KMT2E: variants seen among roughly 807,000 people sequenced by gnomAD.
KMT2E encodes the protein histone reader KMT2E.
KMT2E carries 30 observed loss-of-function variants against 184.6 expected under a neutral mutation model. The ratio of observed to expected loss-of-function variants is 0.16; its 90% confidence interval spans 0.12 to 0.22. The LOEUF is 0.22. KMT2E is among the 10% of genes least tolerant of loss of function. The probability of loss-of-function intolerance (pLI) is 1.00; values close to 1 mark genes in which losing one functional copy is unlikely to be tolerated. For synonymous variants in KMT2E, 815 were observed against 776.5 expected, an observed-to-expected ratio of 1.05 and a Z score of -0.82; for missense variants, 2,023 against 2,237.4, an observed-to-expected ratio of 0.90 and a Z score of 1.93.
At position 105,076,995 on chromosome 7, in the gene KMT2E, T is replaced by C. The variant is rs754759465; in HGVS notation, c.801T>C (p.Asp267=). Residue 267 remains aspartate (D), a synonymous_variant, in exon 10 of 27, where the codon GAT becomes GAC. Coordinates refer to ENST00000311117, the MANE Select transcript of KMT2E (RefSeq NM_182931.3). ...GSAPEIDPSS[D]GSNFGWETKI... ...CTCCAGAGATTGATCCTTCATCTGA[T>C]GGTTCAAATTTTGGATGGGAGACAA... The C allele has an allele frequency of 6.2e-7, 1 of 1,613,652 alleles. No individual in the cohort carries two copies. Among genetic ancestry groups the C allele is most frequent in the Non-Finnish European group, 8.5e-7 (1 of 1,179,922 alleles).
chr7:105,049,849 C>T (rs1276232353), intron 3 of KMT2E, among the ~76,000 whole-genome samples: 5 of 152,172 alleles, frequency 3.3e-5, no homozygotes. Context: ...TGAGATCATG[C>T]CACTGCACTC....
intron 1 of KMT2E, among the ~76,000 whole-genome samples, chr7:105,024,051 G>A (rs1795073465): frequency 6.6e-6 from 1 of 152,120 alleles, no homozygotes; most frequent in Non-Finnish European, 1.5e-5. Context: ...TGTATTTTCA[G>A]TTATAGCAAA....
intron 4 of KMT2E, 143 bp from the exon 5 acceptor site, chr7:105,063,208 T>C (rs1796894064): frequency 1.7e-6 from 1 of 591,920 alleles, no homozygotes; most frequent in Non-Finnish European, 2.8e-6. Context: ...CAAGTCATTT[T>C]TTTAATGGTA....
Position 105,074,819 on chromosome 7 carries a change from C to T in KMT2E, c.729+4C>T, listed in dbSNP as rs151308476. ...ACACATTTCAAAATGTAAAAAGGTACGTTTTTGCTTGTTTTTAGGTGAGTG... is the reference window on the plus strand; with the variant it reads ...ACACATTTCAAAATGTAAAAAGGTATGTTTTTGCTTGTTTTTAGGTGAGTG... On this transcript the variant is annotated splice_donor_region_variant and intron_variant, in intron 8 of 26. Transcript: ENST00000311117. 1.4e-4 allele frequency: 216 copies of T among 1,592,656 alleles called. 1 individual carries two copies. In the African/African-American group the frequency reaches 1.7e-3, roughly 13 times the overall value.
In KMT2E at chr7:105,113,062, C is replaced by G; in HGVS notation, c.5306C>G (p.Thr1769Ser). Residue 1769 changes from threonine to serine, a missense_variant, in exon 27 of 27, where the codon ACC becomes AGC. Physicochemically the swap from Thr to Ser is moderately conservative, Grantham distance 58 (BLOSUM62 1). This residue lies in a region of KMT2E where 1,108 missense variants were observed against 1,050.9 expected (regional missense o/e 1.05). Coordinates refer to ENST00000311117, the MANE Select transcript of KMT2E (RefSeq NM_182931.3). ...PPYPSQATHH[T>S]TLGPGPQHQP... ...TATCCCTCACAAGCTACACATCATA[C>G]CACTTTGGGACCGGGACCCCAGCAC... 6.2e-7 allele frequency: 1 copy of G among 1,614,160 alleles called. No individual in the cohort carries two copies. The highest frequency in any genetic ancestry group is 1.3e-5 in the African/African-American group (1 of 75,022).
chr7:105,043,870 C>T (rs372718001), intron 3 of KMT2E, among the ~76,000 whole-genome samples: 11 of 152,138 alleles, frequency 7.2e-5, no homozygotes, highest in African/African-American at 1.9e-4. Flanking sequence ...GCAGGCAGAT[C>T]GCTTGAGCCC....
chr7:105,109,885 C>T (rs1584810473), intron 23 of KMT2E, among the ~76,000 whole-genome samples: 1 of 150,870 alleles, frequency 6.6e-6, no homozygotes, highest in South Asian at 2.1e-4. Context: ...GCTCTGTCGC[C>T]CAGTCTGGAG....
intron 3 of KMT2E, among the ~76,000 whole-genome samples, chr7:105,048,721 G>C (rs982500892): frequency 1.3e-5 from 2 of 152,206 alleles, no homozygotes; most frequent in Non-Finnish European, 2.9e-5. Context: ...GGTTTCTGTT[G>C]TAACTACTCA....
chr7:105,107,139 CAATTCT>C (rs1798936956), intron 20 of KMT2E, 21 bp from the exon 21 acceptor site: 6 of 1,242,352 alleles, frequency 4.8e-6, no homozygotes, highest in Non-Finnish European at 6.8e-6. Context: ...TTTAAATTTT[CAATTCT>C]AATTCTTTCT....
At chr7:105,067,229 G>C (rs1000435823) in intron 6 of KMT2E, among the ~76,000 whole-genome samples, 1 of 151,750 alleles carries the variant, frequency 6.6e-6, no homozygotes, top group African/African-American at 2.4e-5. Flanking sequence ...GTGTGTCATA[G>C]TTTATAGGGT....
intron 3 of KMT2E, among the ~76,000 whole-genome samples, chr7:105,059,978 G>GTTTTTTTTGTTTTTTTTT (rs1796735719): frequency 1.9e-5 from 1 of 51,764 alleles, no homozygotes; most frequent in Admixed American, 3.2e-4. Context: ...TCTTGTTGTT[G>GTTTTTTTTGTTTTTTTTT]TTTTTTTTTT....
chr7:105,107,594 G>C lies in KMT2E; in HGVS notation c.3137G>C (p.Arg1046Thr). The C allele has an allele frequency of 6.2e-7, 1 of 1,614,104 alleles. No homozygotes were observed. Among genetic ancestry groups the C allele is most frequent in the Non-Finnish European group, 8.5e-7 (1 of 1,180,018 alleles). Residue 1046 changes from arginine to threonine, a missense_variant, in exon 22 of 27, where the codon AGG (arginine) becomes ACG (threonine). By Grantham distance (71) the Arg-to-Thr change is moderately conservative. Coordinates refer to ENST00000311117, the MANE Select transcript of KMT2E (RefSeq NM_182931.3). ...HKTLETPAHD[R>T]AEPNSQLDST... ...ACCCTGGAAACGCCTGCACATGACAGGGCTGAGCCCAACAGCCAACTGGAC... is the reference window on the plus strand; with the variant it reads ...ACCCTGGAAACGCCTGCACATGACACGGCTGAGCCCAACAGCCAACTGGAC...
Position 105,110,769 on chromosome 7 carries a change from A to G in KMT2E, c.3971-2A>G, listed in dbSNP as rs1799201091. The G allele has an allele frequency of 1.9e-6, 3 of 1,612,306 alleles. No homozygotes were observed. Among genetic ancestry groups the G allele is most frequent in the African/African-American group, 1.3e-5 (1 of 75,026 alleles). On this transcript the variant is annotated splice_acceptor_variant, in intron 25 of 26. Coordinates refer to ENST00000311117, the MANE Select transcript of KMT2E (RefSeq NM_182931.3). LOFTEE classifies it high-confidence loss of function. Reference sequence around the variant, plus strand: ...TTACTATAGGTTTCTTCTGCTTTATAGACCCTGATCCTGAAAATCCAGAAC... The same window carrying G: ...TTACTATAGGTTTCTTCTGCTTTATGGACCCTGATCCTGAAAATCCAGAAC...
chr7:105,062,789 A>G (rs1796872069), intron 4 of KMT2E, among the ~76,000 whole-genome samples: 1 of 151,964 alleles, frequency 6.6e-6, no homozygotes, highest in African/African-American at 2.4e-5. Context: ...AATATTGCAT[A>G]TCTAGTAAGA....
chr7:105,069,490 A>T (rs1797192543), intron 6 of KMT2E, among the ~76,000 whole-genome samples: 1 of 152,224 alleles, frequency 6.6e-6, no homozygotes, highest in Non-Finnish European at 1.5e-5. Context: ...CCCATAGGGC[A>T]TAGTGTACGA....
chr7:105,063,851 CAAGT>C, intron 5 of KMT2E: 2 of 481,326 alleles, frequency 4.2e-6, no homozygotes, highest in Middle Eastern at 3.3e-4. Flanking sequence ...AATAGTAGTA[CAAGT>C]ACATAAACAT....
At chr7:105,021,978 T>C (rs1794975290) in intron 1 of KMT2E, among the ~76,000 whole-genome samples, 1 of 152,198 alleles carries the variant, frequency 6.6e-6, no homozygotes, top group Non-Finnish European at 1.5e-5. Flanking sequence ...ACCGGACTTG[T>C]GACATTTTGC....
chr7:105,101,402 C>T (rs1584796612), intron 15 of KMT2E, 23 bp from the exon 16 acceptor site: 1 of 1,469,418 alleles, frequency 6.8e-7, no homozygotes, highest in Middle Eastern at 1.8e-4. Context: ...TTTATGATGT[C>T]ACTTAAAATT....
rs2129570159 is a variant in KMT2E, at chr7:105,111,832, C to T, written c.4076C>T (p.Ser1359Leu). ...TTTGTTTTCTCTTCATAGCCTGGTT[C>T]ACCTGGATCTGTAATTCCTGCTCAA... is the stretch of plus-strand genomic sequence containing the variant. ...KSPPKMSKPG[S>L]PGSVIPAQAH... The change falls in exon 27 of 27, where the codon TCA becomes TTA. Residue 1359 changes from serine (S) to leucine (L), a missense_variant. By Grantham distance (145) the Ser-to-Leu change is moderately radical (BLOSUM62 -2). This residue lies in a region of KMT2E where 1,108 missense variants were observed against 1,050.9 expected (regional missense o/e 1.05). Coordinates refer to ENST00000311117, the MANE Select transcript of KMT2E (RefSeq NM_182931.3). The T allele has an allele frequency of 6.2e-7, 1 of 1,610,004 alleles. No individual in the cohort carries two copies.
Sources: gnomAD v4.1 joint callset for allele counts (sites outside exome capture counted in the v4.1 genomes callset) on GRCh38, gnomAD v4.1.1 for gene constraint, gnomAD v4.1.1 regional missense constraint, MANE v1.5 for transcripts, NCBI Gene and HGNC (gene_info 2026-07-23, HGNC 2026-07-21) for gene names.